ITGAD: variants seen among roughly 807,000 people sequenced by gnomAD.
The protein encoded by ITGAD is integrin alpha-D.
ITGAD carries 105 observed loss-of-function variants against 139.0 expected under a neutral mutation model. That is an observed-to-expected ratio of 0.76 (90% CI 0.65 to 0.89). The LOEUF is 0.89. ITGAD is among the 40% of genes least tolerant of loss of function. The probability of loss-of-function intolerance (pLI) is 0.00; values close to 1 mark genes in which losing one functional copy is unlikely to be tolerated. For synonymous variants in ITGAD, 569 were observed against 598.3 expected (o/e 0.95, Z 0.71); for missense variants, 1,384 against 1,487.3 (o/e 0.93, Z 1.14).
At chr16:31,394,204 C>T (rs767821881) in intron 1 of ITGAD, 32 bp from the exon 2 acceptor site, 1 of 1,469,180 alleles carries the variant, frequency 6.8e-7, no homozygotes, top group East Asian at 2.3e-5. Flanking sequence ...TTCTTTAACT[C>T]CCAGCCTCCC....
intron 12 of ITGAD, 49 bp from the exon 13 acceptor site, chr16:31,411,027 G>C (rs2081689048): frequency 6.2e-7 from 1 of 1,607,208 alleles, no homozygotes; most frequent in Non-Finnish European, 8.5e-7. Flanking sequence ...TGGCCCACAG[G>C]GCTGCCTCTG....
chr16:31,412,114 G>A (rs2081737374), intron 14 of ITGAD, among the ~76,000 whole-genome samples: 1 of 150,934 alleles, frequency 6.6e-6, no homozygotes, highest in Admixed American at 6.6e-5. Flanking sequence ...CTGTCGCCCA[G>A]GCTGGAGTGC....
In ITGAD at chr16:31,411,196, G is replaced by T; in HGVS notation, c.1477G>T (p.Val493Leu). The T allele has an allele frequency of 1.2e-6, 2 of 1,613,806 alleles. No homozygotes were observed. The highest frequency in any genetic ancestry group is 1.7e-6 in the Non-Finnish European group (2 of 1,179,848). Residue 493 changes from valine (V) to leucine (L), a missense_variant, in exon 13 of 30, where the codon GTG (valine) becomes TTG (leucine). Coordinates refer to ENST00000389202, the MANE Select transcript of ITGAD (RefSeq NM_005353.3). The stretch of plus-strand genomic sequence containing the variant: ...GCAGACCCGAGGGGGCCAGGTGTCC[G>T]TGTGTCCCTTGCCTAGGGGGGTGAG... The part of the protein sequence containing the change: ...YEQTRGGQVS[V>L]CPLPRGRVQW...
At chr16:31,393,425 G>C in intron 1 of ITGAD, 34 bp downstream of exon 1, 2 of 1,612,268 alleles carry the variant, frequency 1.2e-6, no homozygotes, top group Non-Finnish European at 1.7e-6. Flanking sequence ...GAGAAGCTTG[G>C]AGGAGTTCTG....
chr16:31,424,739 A>G lies in ITGAD; in HGVS notation c.3372+162A>G, dbSNP rs563305572. 41 of 529,250 alleles carry G rather than the reference A, an allele frequency of 7.7e-5. 1 individual carries two copies. In the South Asian group the frequency reaches 9.8e-4, roughly 13 times the overall value. 32.8% of individuals were successfully genotyped at this position (529,250 alleles called of 1,614,324 possible). On this transcript the variant is annotated intron_variant, in intron 29 of 29. Coordinates refer to ENST00000389202, the MANE Select transcript of ITGAD (RefSeq NM_005353.3). ...CAGCCTCCCGAGTAGCTGGGATTAC[A>G]GGTGGACTGCACCATGCCCGGCTAG...
Position 31,397,914 on chromosome 16 carries a change from G to A in ITGAD, c.427+5G>A. On this transcript the variant is annotated splice_donor_5th_base_variant and intron_variant, in intron 5 of 29. Coordinates refer to ENST00000389202, the MANE Select transcript of ITGAD (RefSeq NM_005353.3). Reference sequence around the variant, plus strand: ...CAGTCCCCGACGCCACGCCAGGTAGGTCCCTGGCAGGCCATGGTTCCCTGT... The same window carrying A: ...CAGTCCCCGACGCCACGCCAGGTAGATCCCTGGCAGGCCATGGTTCCCTGT... 1 of 1,602,406 alleles carries A rather than the reference G, an allele frequency of 6.2e-7. No homozygotes were observed. Among genetic ancestry groups the A allele is most frequent in the African/African-American group, 1.3e-5 (1 of 74,832 alleles).
chr16:31,424,598 T>A, intron 29 of ITGAD, 21 bp downstream of exon 29: 1 of 249,298 alleles, frequency 4.0e-6, no homozygotes, highest in Non-Finnish European at 6.5e-6. Context: ...TATCCAACTC[T>A]TTTTTTTTTT....
Position 31,423,667 on chromosome 16 carries a change from C to T in ITGAD, c.3045+19C>T. 1 of 1,606,712 alleles carries T rather than the reference C, an allele frequency of 6.2e-7. No homozygotes were observed. The highest frequency in any genetic ancestry group is 8.5e-7 in the Non-Finnish European group (1 of 1,174,226). On this transcript the variant is annotated intron_variant, in intron 26 of 29. Coordinates refer to ENST00000389202, the MANE Select transcript of ITGAD (RefSeq NM_005353.3). ...CATGCTGGTGAGAAAGTCCCTGAACCCCCACCGCCAAGATCAGCCCCCACC... is the reference window on the plus strand; with the variant it reads ...CATGCTGGTGAGAAAGTCCCTGAACTCCCACCGCCAAGATCAGCCCCCACC...
rs202069472 is a variant in ITGAD, at chr16:31,397,343, A to G, written c.138-16A>G. ...CTCCTGTGGCTGCAGTGACATGGCC[A>G]TGGTTGTGTCTCCAGACTCGTGGTG... is the stretch of plus-strand genomic sequence containing the variant. On this transcript the variant is annotated splice_polypyrimidine_tract_variant and intron_variant, in intron 2 of 29. Coordinates refer to ENST00000389202, the MANE Select transcript of ITGAD (RefSeq NM_005353.3). 1.8e-3 allele frequency: 2,775 copies of G among 1,561,596 alleles called. 7 individuals are homozygous for G. The highest frequency in any genetic ancestry group is 2.1e-3 in the Non-Finnish European group (2,386 of 1,147,610).
intron 4 of ITGAD, 26 bp downstream of exon 4, chr16:31,397,692 G>GT: frequency 6.6e-7 from 1 of 1,513,502 alleles, no homozygotes; most frequent in Non-Finnish European, 9.0e-7. Flanking sequence ...GGGCCACGGG[G>GT]GGGTGGGGTG....
chr16:31,413,285 C>T (rs1161657843), intron 16 of ITGAD, 39 bp downstream of exon 16: 1 of 1,601,534 alleles, frequency 6.2e-7, no homozygotes, highest in Middle Eastern at 1.7e-4. Context: ...GCCCCTCATT[C>T]CATTAGGGGC....
chr16:31,425,767 C>G (rs1443607805), intron 29 of ITGAD, among the ~76,000 whole-genome samples: 2 of 151,788 alleles, frequency 1.3e-5, no homozygotes, highest in Admixed American at 1.3e-4. Flanking sequence ...ACGGCAACCT[C>G]TGCCTCCCGG....
At chr16:31,412,566 C>T (rs981299822) in intron 14 of ITGAD, among the ~76,000 whole-genome samples, 4 of 152,110 alleles carry the variant, frequency 2.6e-5, no homozygotes, top group Non-Finnish European at 5.9e-5. Context: ...GTGGCTCATA[C>T]GTGGAGGAGT....
Position 31,425,998 on chromosome 16 carries a change from T to C in ITGAD, c.3373-17T>C. Reference sequence around the variant, plus strand: ...GCCCGGACTTACCCAGCTTTTCTAATTTATTTCCCCTGATAGCTTGGCTTC... The same window carrying C: ...GCCCGGACTTACCCAGCTTTTCTAACTTATTTCCCCTGATAGCTTGGCTTC... On this transcript the variant is annotated splice_polypyrimidine_tract_variant and intron_variant, in intron 29 of 29. Coordinates refer to ENST00000389202, the MANE Select transcript of ITGAD (RefSeq NM_005353.3). 1 of 1,588,704 alleles carries C rather than the reference T, an allele frequency of 6.3e-7. No individual in the cohort carries two copies. Among genetic ancestry groups the C allele is most frequent in the African/African-American group, 1.3e-5 (1 of 74,572 alleles).
rs574586427 is a variant in ITGAD, at chr16:31,403,901, C to T, written c.704+256C>T. ...TTCTGCAGAGCCTGGACCCCAGGAC[C>T]CCTCCCCACCCCACAGCAGCCAGAG... On this transcript the variant is annotated intron_variant, in intron 7 of 29. Transcript: ENST00000389202. This position sits in a 1 kb window ranked among gnomAD's most constrained non-coding sequence, Gnocchi z 4.4. 127 of 483,662 alleles carry T rather than the reference C, an allele frequency of 2.6e-4. No individual in the cohort carries two copies. Among genetic ancestry groups the T allele is most frequent in the African/African-American group, 2.3e-3 (120 of 51,482 alleles). The allele number at this position is 483,662 out of a possible 1,614,324, so 30.0% of individuals were successfully genotyped here.
At chr16:31,400,940 T>C (rs1221752923) in intron 5 of ITGAD, among the ~76,000 whole-genome samples, 1 of 151,930 alleles carries the variant, frequency 6.6e-6, no homozygotes, top group Non-Finnish European at 1.5e-5. Context: ...CATGGGAGCA[T>C]GAAGGGTGGA....
At chr16:31,409,791 G>A (rs2081633408) in intron 10 of ITGAD, among the ~76,000 whole-genome samples, 2 of 151,686 alleles carry the variant, frequency 1.3e-5, no homozygotes, top group Non-Finnish European at 2.9e-5. Flanking sequence ...ACATGCCTGT[G>A]GTCTCAACTA....
At chr16:31,421,709 T>G (rs1240845665) in intron 23 of ITGAD, among the ~76,000 whole-genome samples, 1 of 152,004 alleles carries the variant, frequency 6.6e-6, no homozygotes, top group East Asian at 1.9e-4. Flanking sequence ...GCATCCCCAT[T>G]TTAAAGAGTG....
chr16:31,401,376 G>A (rs997992338), intron 5 of ITGAD, among the ~76,000 whole-genome samples: 9 of 152,240 alleles, frequency 5.9e-5, no homozygotes, highest in Non-Finnish European at 1.0e-4. Flanking sequence ...AGGGGCAGGA[G>A]GTGTCCCAGT....
Sources: allele counts gnomAD v4.1 joint callset (sites outside exome capture counted in the v4.1 genomes callset), GRCh38; gene constraint gnomAD v4.1.1; non-coding constraint Gnocchi (gnomAD v3.1); transcripts MANE v1.5; gene names NCBI Gene and HGNC (gene_info 2026-07-23, HGNC 2026-07-21).